Variants in TMPRSS9 observed in about 807,000 individuals in gnomAD.
TMPRSS9 encodes transmembrane serine protease 9, also known as transmembrane protease serine 9.
Under a neutral mutation model 111.4 loss-of-function variants are expected in TMPRSS9, and 113 were observed. That is an observed-to-expected ratio of 1.01 (90% CI 0.87 to 1.19). TMPRSS9 has a LOEUF of 1.19. Among genes scored for constraint, TMPRSS9 ranks in the 50% most tolerant of loss-of-function variants. The pLI is 0.00. For missense variants in TMPRSS9, 1,803 were observed against 1,513.1 expected (o/e 1.19, Z -3.18); for synonymous variants, 805 against 659.1 (o/e 1.22, Z -3.39).
intron 1 of TMPRSS9, among the ~76,000 whole-genome samples, chr19:2,368,774 G>GTTTTTTTGTTTTTTTTTTTTTT (rs1970266102): frequency 1.4e-5 from 1 of 70,366 alleles, no homozygotes; most frequent in Non-Finnish European, 2.6e-5. Flanking sequence ...GATAAACCCA[G>GTTTTTTTGTTTTTTTTTTTTTT]TTTTTTTTTT....
At chr19:2,365,120 A>G (rs1473788114) in intron 1 of TMPRSS9, among the ~76,000 whole-genome samples, 1 of 152,198 alleles carries the variant, frequency 6.6e-6, no homozygotes, top group Non-Finnish European at 1.5e-5. Flanking sequence ...TACAACTCAT[A>G]AGTGATTGGA....
rs116481347 is a variant in TMPRSS9, at chr19:2,381,408, C to T, written c.-25-8353C>T. On this transcript the variant is annotated intron_variant, in intron 1 of 17. Coordinates refer to the TMPRSS9 transcript ENST00000649857. ...GGAGTGAGCTCATACTCTAAATGTG[C>T]CTTTCCAGCTCTAATCACAGAAGTG... 2.2e-3 allele frequency among the ~76,000 whole-genome samples: 339 copies of T among 151,128 alleles called. 1 individual carries two copies. Among genetic ancestry groups the T allele is most frequent in the African/African-American group, 8.0e-3 (328 of 41,186 alleles).
intron 13 of TMPRSS9, among the ~76,000 whole-genome samples, chr19:2,419,718 T>C (rs1211772671): frequency 6.6e-6 from 1 of 152,116 alleles, no homozygotes; most frequent in Admixed American, 6.6e-5. Context: ...GGTTTCACCA[T>C]GTTGGCCAGG....
chr19:2,403,400 G>A (rs941259089), intron 6 of TMPRSS9, among the ~76,000 whole-genome samples: 4 of 152,144 alleles, frequency 2.6e-5, no homozygotes, highest in African/African-American at 9.6e-5. Context: ...GCAGGTGTGT[G>A]ATGGGAAGAA....
chr19:2,364,910 C>A (rs911286056), intron 1 of TMPRSS9, among the ~76,000 whole-genome samples: 9 of 150,940 alleles, frequency 6.0e-5, no homozygotes. Flanking sequence ...ACCCGGGAGG[C>A]AGAGCTTGCA....
At chr19:2,376,723 C>CT (rs569328608) in intron 1 of TMPRSS9, among the ~76,000 whole-genome samples, 101 of 152,158 alleles carry the variant, frequency 6.6e-4, no homozygotes, top group Non-Finnish European at 1.2e-3. Context: ...TCCCAAAGTG[C>CT]TGGGATTACA....
intron 1 of TMPRSS9, among the ~76,000 whole-genome samples, chr19:2,364,978 C>CAAA (rs74649862): frequency 7.5e-6 from 1 of 133,378 alleles, no homozygotes; most frequent in African/African-American, 2.7e-5. Context: ...GACTCCATCT[C>CAAA]AAAAAAAAAA....
intron 13 of TMPRSS9, among the ~76,000 whole-genome samples, chr19:2,420,926 C>T (rs982240997): frequency 3.3e-5 from 5 of 151,980 alleles, no homozygotes; most frequent in African/African-American, 1.2e-4. Context: ...ATGTTGAGGC[C>T]AGGCCAGGTG....
At chr19:2,405,649 G>T (rs1050434213) in intron 7 of TMPRSS9, 104 bp downstream of exon 8, 88 of 1,191,808 alleles carry the variant, frequency 7.4e-5, no homozygotes, top group Non-Finnish European at 9.0e-5. Flanking sequence ...GCCCCTGGAA[G>T]TAATTTTTTC....
At chr19:2,423,077 A>T (rs904982553) in intron 14 of TMPRSS9, among the ~76,000 whole-genome samples, 1 of 151,094 alleles carries the variant, frequency 6.6e-6, no homozygotes, top group Admixed American at 6.6e-5. Flanking sequence ...AAAAAAAAAA[A>T]TGAAAGCAGG....
exon 8 of TMPRSS9, chr19:2,408,545 C>G (rs192837972): frequency 6.2e-7 from 1 of 1,613,732 alleles, no homozygotes; most frequent in Non-Finnish European, 8.5e-7. Flanking sequence ...ACATCCAGCC[C>G]GTGTGCCTCC....
At chr19:2,410,049 C>G (rs1971061630) in intron 8 of TMPRSS9, among the ~76,000 whole-genome samples, 1 of 152,044 alleles carries the variant, frequency 6.6e-6, no homozygotes, top group Non-Finnish European at 1.5e-5. Context: ...GGTGTTAAGT[C>G]TGATGCCTCT....
chr19:2,384,608 G>A (rs1599281356), intron 1 of TMPRSS9, among the ~76,000 whole-genome samples: 1 of 151,966 alleles, frequency 6.6e-6, no homozygotes, highest in Non-Finnish European at 1.5e-5. Context: ...GAGGTCAGGA[G>A]ATCGAGACCA....
At chr19:2,405,857 C>T (rs1421148971) in intron 7 of TMPRSS9, among the ~76,000 whole-genome samples, 5 of 150,424 alleles carry the variant, frequency 3.3e-5, no homozygotes, top group Admixed American at 2.7e-4. Flanking sequence ...AGGCGCCCGC[C>T]ACCACGCCTG....
intron 1 of TMPRSS9, among the ~76,000 whole-genome samples, chr19:2,363,807 TGCGC>T: frequency 9.4e-6 from 1 of 106,030 alleles, no homozygotes; most frequent in African/African-American, 4.7e-5. Flanking sequence ...TGTGTGTGCG[TGCGC>T]GCGTGTGTGT....
intron 8 of TMPRSS9, among the ~76,000 whole-genome samples, 186 bp from the exon 10 acceptor site, chr19:2,410,072 C>T (rs537091966): frequency 8.1e-4 from 123 of 152,140 alleles, no homozygotes; most frequent in Non-Finnish European, 1.5e-3. Flanking sequence ...CTTGTCCAGG[C>T]AGAGAGTGTT....
At chr19:2,422,924 G>A (rs1971499056) in intron 14 of TMPRSS9, among the ~76,000 whole-genome samples, 1 of 151,576 alleles carries the variant, frequency 6.6e-6, no homozygotes, top group Admixed American at 6.6e-5. Context: ...AGGCGTGATG[G>A]TGCATGCCTG....
chr19:2,426,069 G>T (rs1451702190), exon 18 of TMPRSS9: 1 of 1,608,698 alleles, frequency 6.2e-7, no homozygotes, highest in Admixed American at 1.7e-5. Flanking sequence ...GGCTGGATAG[G>T]ACAGCACATC....
At chr19:2,398,845 C>G (rs1408823924) in exon 3 of TMPRSS9, 1 of 1,512,500 alleles carries the variant, frequency 6.6e-7, no homozygotes, top group Admixed American at 2.0e-5. Context: ...GCGTGGGTTG[C>G]TCGGTACTGA....
Sources: allele counts gnomAD v4.1 joint callset (sites outside exome capture counted in the v4.1 genomes callset), GRCh38; gene constraint gnomAD v4.1.1; transcripts MANE v1.5; gene names NCBI Gene and HGNC (gene_info 2026-07-23, HGNC 2026-07-21).